Variants in CNTN1 observed in about 807,000 individuals in gnomAD.
CNTN1 encodes the protein contactin-1.
CNTN1 carries 38 observed loss-of-function variants against 126.4 expected under a neutral mutation model. The ratio of observed to expected loss-of-function variants is 0.30; its 90% CI spans 0.23 to 0.39. CNTN1 has a LOEUF of 0.39. CNTN1 is among the 10% of genes least tolerant of loss of function. The probability of loss-of-function intolerance (pLI) is 1.00; values close to 1 mark genes in which losing one functional copy is unlikely to be tolerated. For synonymous variants in CNTN1, 413 were observed against 422.6 expected, an observed-to-expected ratio of 0.98 and a Z score of 0.28; for missense variants, 1,009 against 1,248.4, an observed-to-expected ratio of 0.81 and a Z score of 2.89.
At chr12:40,861,837 T>C (rs1943123607) in intron 1 of CNTN1, among the ~76,000 whole-genome samples, 1 of 152,152 alleles carries the variant, frequency 6.6e-6, no homozygotes, top group Non-Finnish European at 1.5e-5. Context: ...TACTTCCAGT[T>C]CTTTCTGCCG....
chr12:40,811,044 C>T (rs970138898), intron 1 of CNTN1, among the ~76,000 whole-genome samples: 4 of 152,088 alleles, frequency 2.6e-5, no homozygotes, highest in East Asian at 1.9e-4. Flanking sequence ...TATTTAATTG[C>T]GTGTACATCA....
chr12:40,947,160 A>C (rs1168285968), intron 14 of CNTN1, among the ~76,000 whole-genome samples: 1 of 152,076 alleles, frequency 6.6e-6, no homozygotes, highest in Non-Finnish European at 1.5e-5. Flanking sequence ...CAGTAATTGC[A>C]CACCTAGTAC....
At chr12:41,020,229 A>G (rs1948876623) in intron 19 of CNTN1, 108 bp from the exon 20 acceptor site, 1 of 672,858 alleles carries the variant, frequency 1.5e-6, no homozygotes, top group African/African-American at 1.8e-5. Context: ...TTTTAGAAAC[A>G]TTAAAATTAA....
At chr12:40,994,751 G>A (rs1182826383) in intron 17 of CNTN1, among the ~76,000 whole-genome samples, 1 of 151,904 alleles carries the variant, frequency 6.6e-6, no homozygotes, top group East Asian at 1.9e-4. Flanking sequence ...CATTTTGTAG[G>A]TGGATATGCT....
intron 1 of CNTN1, among the ~76,000 whole-genome samples, chr12:40,902,577 A>C (rs1010422631): frequency 2.0e-5 from 3 of 151,926 alleles, no homozygotes; most frequent in South Asian, 4.1e-4. Context: ...GATGTGCCAA[A>C]AAATTTTTTT....
chr12:40,897,284 A>C (rs1944444767), intron 1 of CNTN1, among the ~76,000 whole-genome samples: 2 of 151,892 alleles, frequency 1.3e-5, no homozygotes, highest in Non-Finnish European at 2.9e-5. Context: ...AAATGCTTAG[A>C]CTGTTTCCTC....
chr12:41,066,033 C>A (rs1340073055), intron 23 of CNTN1, among the ~76,000 whole-genome samples: 2 of 152,128 alleles, frequency 1.3e-5, no homozygotes, highest in African/African-American at 4.8e-5. Context: ...ATTAGGCACA[C>A]CTCTAGGCAG....
chr12:40,985,607 ATATGTCCCTTT>A (rs1461295314), intron 16 of CNTN1, among the ~76,000 whole-genome samples: 2 of 152,108 alleles, frequency 1.3e-5, no homozygotes, highest in African/African-American at 4.8e-5. Context: ...CCTGCACTTG[ATATGTCCCTTT>A]TATGTGACTG....
intron 1 of CNTN1, among the ~76,000 whole-genome samples, chr12:40,731,197 T>C (rs747902777): frequency 1.9e-4 from 29 of 151,946 alleles, no homozygotes; most frequent in Non-Finnish European, 3.8e-4. Context: ...GCAAGACATA[T>C]AGGAAAACAA....
chr12:40,918,699 A>C lies in CNTN1; in HGVS notation c.155A>C (p.Tyr52Ser). Residue 52 changes from tyrosine to serine, a missense_variant, in exon 4 of 24, where the codon TAT (tyrosine) becomes TCT (serine). Tyr to Ser is a moderately radical substitution (Grantham distance 144). Transcript: ENST00000551295. ...GAAGAGCAGCCAATCAATACCATTT[A>C]TCCAGAGGAATCACTGGAAGGAAAA... ...IFEEQPINTI[Y>S]PEESLEGKVS... 3 of 1,612,894 alleles carry C rather than the reference A, an allele frequency of 1.9e-6. No individual in the cohort carries two copies. The highest frequency in any genetic ancestry group is 2.5e-6 in the Non-Finnish European group (3 of 1,178,900).
intron 1 of CNTN1, among the ~76,000 whole-genome samples, chr12:40,702,700 T>A (rs537823982): frequency 6.6e-6 from 1 of 152,196 alleles, no homozygotes; most frequent in Non-Finnish European, 1.5e-5. Flanking sequence ...CCTCCCAAAG[T>A]GCTGGAATTG....
intron 1 of CNTN1, among the ~76,000 whole-genome samples, chr12:40,862,322 C>A (rs1453874383): frequency 1.3e-5 from 2 of 152,136 alleles, no homozygotes; most frequent in East Asian, 3.9e-4. Context: ...CAGTGTCATA[C>A]TCTTTCTGCT....
chr12:40,857,608 G>A (rs312265), intron 1 of CNTN1, among the ~76,000 whole-genome samples: 59,024 of 151,986 alleles, frequency 0.39, 11,498 homozygotes, highest in Admixed American at 0.43. Flanking sequence ...GTTGCTTCCC[G>A]TGGAAAAAGT....
intron 1 of CNTN1, among the ~76,000 whole-genome samples, chr12:40,875,304 C>G (rs1460705733): frequency 1.3e-5 from 2 of 152,080 alleles, no homozygotes. Context: ...CATAGTAAAA[C>G]ATCACATCCA....
chr12:40,787,058 A>G lies in CNTN1; in HGVS notation c.-77+94466A>G, dbSNP rs1247428868. ...TCGTTATAGGCCAAGATTTACTGGAATACTGGGGATATATTAAAAAATCTG... is the reference window on the plus strand; with the variant it reads ...TCGTTATAGGCCAAGATTTACTGGAGTACTGGGGATATATTAAAAAATCTG... On this transcript the variant is annotated intron_variant, in intron 1 of 23. Coordinates refer to ENST00000551295, the MANE Select transcript of CNTN1 (RefSeq NM_001843.4). 2.0e-5 allele frequency among the ~76,000 whole-genome samples: 3 copies of G among 152,240 alleles called. No homozygotes were observed. The East Asian group carries it at 5.8e-4, about 29-fold the overall frequency.
intron 1 of CNTN1, among the ~76,000 whole-genome samples, chr12:40,702,497 T>C (rs142266975): frequency 0.048 from 7,249 of 152,240 alleles, 232 homozygotes; most frequent in Middle Eastern, 0.17. Context: ...CAGGCTGGAG[T>C]GCAATGGTGC....
chr12:40,771,154 T>C (rs1172078809), intron 1 of CNTN1, among the ~76,000 whole-genome samples: 1 of 152,090 alleles, frequency 6.6e-6, no homozygotes, highest in East Asian at 1.9e-4. Flanking sequence ...TAATAAGAAA[T>C]CACATTAGAC....
chr12:40,728,002 A>G (rs1462307524), intron 1 of CNTN1, among the ~76,000 whole-genome samples: 1 of 152,188 alleles, frequency 6.6e-6, no homozygotes, highest in African/African-American at 2.4e-5. Context: ...CCCAGAGTAA[A>G]GCAGATCTTC....
At chr12:41,020,519 C>T (rs1948883570) in intron 20 of CNTN1, 79 bp downstream of exon 20, 1 of 881,958 alleles carries the variant, frequency 1.1e-6, no homozygotes, top group Non-Finnish European at 1.8e-6. Context: ...TTGTATGTTT[C>T]AATGTCCCAT....
Sources: gnomAD v4.1 joint callset for allele counts (sites outside exome capture counted in the v4.1 genomes callset) on GRCh38, gnomAD v4.1.1 for gene constraint, MANE v1.5 for transcripts, NCBI Gene and HGNC (gene_info 2026-07-23, HGNC 2026-07-21) for gene names.